Variants in PLXNA2 observed in about 807,000 individuals in gnomAD.
PLXNA2 encodes plexin-A2.
PLXNA2 carries 91 observed loss-of-function variants against 193.5 expected under a neutral mutation model. The observed-to-expected ratio is 0.47, with a 90% CI of 0.40 to 0.56. PLXNA2 has a LOEUF of 0.56. PLXNA2 is among the 20% of genes least tolerant of loss of function. The probability of loss-of-function intolerance (pLI) is 0.00; values close to 1 mark genes in which losing one functional copy is unlikely to be tolerated. For missense variants in PLXNA2, 1,995 were observed against 2,503.2 expected (o/e 0.80, Z 4.33); for synonymous variants, 997 against 1,027.3 (o/e 0.97, Z 0.56).
chr1:208,208,856 C>T (rs10863705), intron 3 of PLXNA2, among the ~76,000 whole-genome samples: 35,182 of 152,172 alleles, frequency 0.23, 4,615 homozygotes, highest in Non-Finnish European at 0.29. Context: ...ACACAATCCT[C>T]CTAGGCCAGG....
chr1:208,082,207 G>A lies in PLXNA2; in HGVS notation c.2395+205C>T, dbSNP rs988434644. On this transcript the variant is annotated intron_variant, in intron 11 of 31. Coordinates refer to ENST00000367033, the MANE Select transcript of PLXNA2 (RefSeq NM_025179.4). The surrounding 1 kb of genome is among the most constrained non-coding windows in gnomAD (Gnocchi z 4.2). ...GTGGATGGGCCGGCGGCCGCCCAGC[G>A]GATGCTCTGGTTGTAATAAAACAGG... Among the ~76,000 whole-genome samples the A allele has an allele frequency of 2.0e-5, 3 of 152,256 alleles. No individual in the cohort carries two copies. The highest frequency in any genetic ancestry group is 4.8e-5 in the African/African-American group (2 of 41,546).
At chr1:208,081,521 G>GA (rs1666343374) in intron 11 of PLXNA2, among the ~76,000 whole-genome samples, 1 of 152,182 alleles carries the variant, frequency 6.6e-6, no homozygotes. Flanking sequence ...AGTGGCCTAA[G>GA]TAGTAGATCC....
In PLXNA2 at chr1:208,217,606, A is replaced by T; in HGVS notation, c.317T>A (p.Val106Glu). The change falls in exon 2 of 32, where the codon GTG (valine) becomes GAG (glutamate). Residue 106 changes from valine (V) to glutamate (E), a missense_variant. By Grantham distance (121) the Val-to-Glu change is moderately radical. This residue lies in a region of PLXNA2 where 702 missense variants were observed against 812.9 expected (regional missense o/e 0.86). Coordinates refer to ENST00000367033, the MANE Select transcript of PLXNA2 (RefSeq NM_025179.4). The surrounding 1 kb of genome is among the most constrained non-coding windows in gnomAD (Gnocchi z 4.7). The stretch of plus-strand genomic sequence containing the variant: ...GTTGACATTGTTGGTGAGGGTGAGC[A>T]CTTCGCTGCAGGGCTGCACGATGAG... ...PPLIVQPCSE[V>E]LTLTNNVNKL... 3 of 1,614,128 alleles carry T rather than the reference A, an allele frequency of 1.9e-6. No homozygotes were observed. The highest frequency in any genetic ancestry group is 2.5e-6 in the Non-Finnish European group (3 of 1,180,016).
In PLXNA2 at chr1:208,124,449, C is replaced by T. The variant is rs556046228; in HGVS notation, c.1506+17880G>A. Among the ~76,000 whole-genome samples the T allele has an allele frequency of 4.6e-5, 7 of 151,512 alleles. No homozygotes were observed. The South Asian group carries it at 6.3e-4, about 14-fold the overall frequency. Reference sequence around the variant, plus strand: ...ATCCCAGCACTTTGGGAAGCCGAAGCGGGCAGATCACCTGAGGTCAGGAGT... The same window carrying T: ...ATCCCAGCACTTTGGGAAGCCGAAGTGGGCAGATCACCTGAGGTCAGGAGT... On this transcript the variant is annotated intron_variant, in intron 4 of 31. Coordinates refer to ENST00000367033, the MANE Select transcript of PLXNA2 (RefSeq NM_025179.4).
chr1:208,242,500 C>T (rs1672090920), intron 1 of PLXNA2, among the ~76,000 whole-genome samples: 1 of 152,234 alleles, frequency 6.6e-6, no homozygotes, highest in South Asian at 2.1e-4. Context: ...TCCCCTCAAA[C>T]TGATGCTGCC....
chr1:208,029,485 G>T (rs1459119788), intron 29 of PLXNA2: 2 of 1,004,792 alleles, frequency 2.0e-6, no homozygotes, highest in Non-Finnish European at 2.4e-6. Context: ...CTCGGAGCAG[G>T]CACAAAGGGC....
At chr1:208,182,588 G>A (rs74153100) in intron 3 of PLXNA2, among the ~76,000 whole-genome samples, 3,806 of 152,054 alleles carry the variant, frequency 0.025, 155 homozygotes, top group African/African-American at 0.086. Flanking sequence ...ATGGAGCTCC[G>A]GAAGGGCCTT....
At chr1:208,242,460 A>G (rs1672089908) in intron 1 of PLXNA2, among the ~76,000 whole-genome samples, 1 of 152,178 alleles carries the variant, frequency 6.6e-6, no homozygotes, top group South Asian at 2.1e-4. Flanking sequence ...CCCCCAAGTG[A>G]CTGCCTCAAG....
At position 208,044,119 on chromosome 1, in the gene PLXNA2, C is replaced by T. The variant is rs1408250600; in HGVS notation, c.3874+389G>A. ...TCTGCCTTTGCTGCCGCTGCTCCCACGTGCTGCGAAGACAGTGTGCAGAAA... is the reference window on the plus strand; with the variant it reads ...TCTGCCTTTGCTGCCGCTGCTCCCATGTGCTGCGAAGACAGTGTGCAGAAA... On this transcript the variant is annotated intron_variant, in intron 20 of 31. Coordinates refer to ENST00000367033, the MANE Select transcript of PLXNA2 (RefSeq NM_025179.4). The surrounding 1 kb of genome is among the most constrained non-coding windows in gnomAD (Gnocchi z 4.9). 1.3e-5 allele frequency among the ~76,000 whole-genome samples: 2 copies of T among 152,210 alleles called. No individual in the cohort carries two copies. The highest frequency in any genetic ancestry group is 1.5e-5 in the Non-Finnish European group (1 of 68,042).
chr1:208,210,363 C>G lies in PLXNA2; in HGVS notation c.1288G>C (p.Asp430His), dbSNP rs1192239687. The G allele has an allele frequency of 1.9e-6, 3 of 1,613,942 alleles. No homozygotes were observed. The highest frequency in any genetic ancestry group is 1.7e-6 in the Non-Finnish European group (2 of 1,180,034). Residue 430 changes from aspartate to histidine, a missense_variant, in exon 3 of 32, where the codon GAC (aspartate) becomes CAC (histidine). This residue lies in a region of PLXNA2 where 702 missense variants were observed against 812.9 expected (regional missense o/e 0.86). Coordinates refer to ENST00000367033, the MANE Select transcript of PLXNA2 (RefSeq NM_025179.4). Reference protein sequence around the residue: ...EGLTLYTTSRDRMTSVASYVY... With the variant: ...EGLTLYTTSRHRMTSVASYVY... ...TAGGAGGCCACAGAGGTCATGCGGT[C>G]CCTGCTGGTGGTGTACAGGGTCAGG...
intron 4 of PLXNA2, among the ~76,000 whole-genome samples, chr1:208,129,681 A>G (rs1440043985): frequency 3.9e-5 from 6 of 152,270 alleles, no homozygotes; most frequent in Non-Finnish European, 8.8e-5. Context: ...CTCCTCCAGG[A>G]AGCCTTCCTT....
intron 3 of PLXNA2, among the ~76,000 whole-genome samples, chr1:208,174,842 G>C (rs1374270309): frequency 6.6e-6 from 1 of 152,204 alleles, no homozygotes; most frequent in Non-Finnish European, 1.5e-5. Flanking sequence ...AGTGACAACA[G>C]TGGTGGATAC....
chr1:208,095,691 T>C (rs2102407186), intron 8 of PLXNA2, among the ~76,000 whole-genome samples: 1 of 152,318 alleles, frequency 6.6e-6, no homozygotes, highest in South Asian at 2.1e-4. Flanking sequence ...TGTCAGCCTC[T>C]ACCTTCAAAG....
At chr1:208,238,327 G>A (rs1671934523) in intron 1 of PLXNA2, among the ~76,000 whole-genome samples, 1 of 152,138 alleles carries the variant, frequency 6.6e-6, no homozygotes, top group Non-Finnish European at 1.5e-5. Flanking sequence ...AGTAATTTTA[G>A]CCAAAGAAAA....
intron 4 of PLXNA2, among the ~76,000 whole-genome samples, chr1:208,117,053 C>T (rs188884152): frequency 2.0e-5 from 3 of 152,230 alleles, no homozygotes; most frequent in Non-Finnish European, 2.9e-5. Context: ...TGCCTGTGGT[C>T]CCAGCTACTC....
Position 208,160,610 on chromosome 1 carries a change from A to T in PLXNA2, c.1372-18147T>A, listed in dbSNP as rs1001169534. On this transcript the variant is annotated intron_variant, in intron 3 of 31. Transcript: ENST00000367033. ...TTCTTTATCCCCAATCTGCAGACAG[A>T]TATACCAAGGCTCTGAGAGGTTTAG... 9.9e-5 allele frequency among the ~76,000 whole-genome samples: 15 copies of T among 152,242 alleles called. 1 individual carries two copies. Among genetic ancestry groups the T allele is most frequent in the African/African-American group, 3.6e-4 (15 of 41,460 alleles).
chr1:208,221,492 C>G (rs1417640891), intron 1 of PLXNA2, among the ~76,000 whole-genome samples: 1 of 147,142 alleles, frequency 6.8e-6, no homozygotes, highest in Admixed American at 6.9e-5. Flanking sequence ...ACAGGCCACT[C>G]CTGATAACCA....
chr1:208,046,491 A>G (rs1296665946), intron 17 of PLXNA2, among the ~76,000 whole-genome samples: 1 of 152,064 alleles, frequency 6.6e-6, no homozygotes, highest in East Asian at 1.9e-4. Flanking sequence ...GGATGCATGC[A>G]GAGATGTGAA....
In PLXNA2 at chr1:208,044,997, T is replaced by G. The variant is rs1483640776; in HGVS notation, c.3639+70A>C. On this transcript the variant is annotated intron_variant, in intron 19 of 31. Transcript: ENST00000367033. This position sits in a 1 kb window ranked among gnomAD's most constrained non-coding sequence, Gnocchi z 4.9. The stretch of plus-strand genomic sequence containing the variant: ...TCAGGCAACGAGACAGAAGAGAGCC[T>G]TTCCTTAGGACAGATCACACATGCA... The G allele has an allele frequency of 3.8e-6, 6 of 1,577,382 alleles. No homozygotes were observed. The African/African-American group carries it at 8.1e-5, about 21-fold the overall frequency.
Sources: allele counts gnomAD v4.1 joint callset (sites outside exome capture counted in the v4.1 genomes callset), GRCh38; gene constraint gnomAD v4.1.1; regional missense constraint gnomAD v4.1.1; non-coding constraint Gnocchi (gnomAD v3.1); transcripts MANE v1.5; gene names NCBI Gene and HGNC (gene_info 2026-07-23, HGNC 2026-07-21).